The following BCKDHB variants were observed in gnomAD, a reference collection of about 807,000 sequenced individuals.
BCKDHB encodes the protein branched chain keto acid dehydrogenase E1 subunit beta.
BCKDHB carries 41 observed loss-of-function variants against 48.5 expected under a neutral mutation model. The observed-to-expected ratio is 0.85, with a 90% confidence interval of 0.66 to 1.10. The LOEUF (loss-of-function observed/expected upper bound fraction) is 1.10. Ranked by LOEUF, BCKDHB falls within the 50% of genes least tolerant of loss-of-function variation. The pLI, the probability that BCKDHB is intolerant of heterozygous loss-of-function variation, is 0.00. For missense variants in BCKDHB, 496 were observed against 494.2 expected (o/e 1.00, Z -0.03); for synonymous variants, 201 against 174.8 (o/e 1.15, Z -1.18).
intron 5 of BCKDHB, among the ~76,000 whole-genome samples, 183 bp downstream of exon 5, chr6:80,169,213 G>A (rs1350828836): frequency 6.6e-6 from 1 of 152,150 alleles, no homozygotes; most frequent in East Asian, 1.9e-4. Context: ...CCAATGCCCA[G>A]TTTTACAGCA....
intron 6 of BCKDHB, among the ~76,000 whole-genome samples, chr6:80,200,459 G>T (rs74614428): frequency 6.6e-6 from 1 of 151,966 alleles, no homozygotes; most frequent in Non-Finnish European, 1.5e-5. Context: ...ATTGATCTGA[G>T]AACTTAATTC....
At chr6:80,466,519 A>T in the BCKDHB span, among the ~76,000 whole-genome samples, 44 of 152,174 alleles carry the variant, frequency 2.9e-4, no homozygotes, top group Admixed American at 1.3e-3. Context: ...ACACACACAC[A>T]ATATATATAT....
the BCKDHB span, among the ~76,000 whole-genome samples, chr6:80,431,090 T>G: frequency 1.3e-5 from 2 of 152,208 alleles, no homozygotes; most frequent in African/African-American, 4.8e-5. Context: ...CAGTAGTCAT[T>G]CAGGAGCAGG....
At chr6:80,356,163 T>G in the BCKDHB span, 2 of 152,228 alleles carry the variant, frequency 1.3e-5, no homozygotes, top group Non-Finnish European at 2.9e-5. Flanking sequence ...ATGGGCTTCT[T>G]GAAGGGGCTG....
At chr6:80,400,379 G>A in the BCKDHB span, among the ~76,000 whole-genome samples, 26 of 151,652 alleles carry the variant, frequency 1.7e-4, no homozygotes, top group South Asian at 1.0e-3. Flanking sequence ...AAAAAACACC[G>A]AAAAAACCAC....
intron 8 of BCKDHB, among the ~76,000 whole-genome samples, chr6:80,230,061 CGGA>C (rs1234453516): frequency 1.3e-4 from 9 of 71,266 alleles, no homozygotes; most frequent in Non-Finnish European, 4.6e-5. Flanking sequence ...TTTTTTGAGA[CGGA>C]GTCTCACTCT....
chr6:80,213,197 A>T (rs1303882967), intron 8 of BCKDHB, among the ~76,000 whole-genome samples: 1 of 152,232 alleles, frequency 6.6e-6, no homozygotes, highest in Non-Finnish European at 1.5e-5. Flanking sequence ...ACAGTATTCT[A>T]TGAATAAATA....
At chr6:80,110,097 A>G (rs1769335638) in intron 1 of BCKDHB, among the ~76,000 whole-genome samples, 1 of 152,218 alleles carries the variant, frequency 6.6e-6, no homozygotes, top group African/African-American at 2.4e-5. Context: ...GGAGGTAGTC[A>G]GATTAGACTC....
chr6:80,373,108 A>G, the BCKDHB span, among the ~76,000 whole-genome samples: 556 of 152,042 alleles, frequency 3.7e-3, 6 homozygotes, highest in African/African-American at 0.013. Context: ...AACTCAAATT[A>G]CCATTTCAAT....
At chr6:80,406,638 G>C in the BCKDHB span, among the ~76,000 whole-genome samples, 1 of 152,120 alleles carries the variant, frequency 6.6e-6, no homozygotes, top group African/African-American at 2.4e-5. Context: ...GTGTCTGTTG[G>C]CTGCATAAAT....
At chr6:80,318,462 G>A (rs968439933) in intron 9 of BCKDHB, among the ~76,000 whole-genome samples, 4 of 152,052 alleles carry the variant, frequency 2.6e-5, no homozygotes, top group African/African-American at 9.7e-5. Context: ...CAAGGCAAGT[G>A]GATCACCTGA....
At chr6:80,123,882 C>T (rs1027832915) in intron 1 of BCKDHB, among the ~76,000 whole-genome samples, 10 of 151,980 alleles carry the variant, frequency 6.6e-5, no homozygotes, top group Non-Finnish European at 1.0e-4. Flanking sequence ...GTTTTTTTGT[C>T]TCTATCTCTT....
chr6:80,437,057 G>A, the BCKDHB span, among the ~76,000 whole-genome samples: 1 of 151,978 alleles, frequency 6.6e-6, no homozygotes, highest in Admixed American at 6.6e-5. Flanking sequence ...GAAGATTTAG[G>A]CATTATTTTA....
the BCKDHB span, among the ~76,000 whole-genome samples, chr6:80,398,925 G>A: frequency 6.6e-6 from 1 of 152,110 alleles, no homozygotes; most frequent in Admixed American, 6.6e-5. Context: ...TCCCTGGGAT[G>A]GATGCATGGT....
chr6:80,274,151 A>G (rs1777869035), intron 9 of BCKDHB, among the ~76,000 whole-genome samples: 1 of 152,006 alleles, frequency 6.6e-6, no homozygotes, highest in African/African-American at 2.4e-5. Context: ...TTTAATTAGT[A>G]AACAATGATT....
At chr6:80,174,080 C>T (rs1411600998) in intron 6 of BCKDHB, among the ~76,000 whole-genome samples, 1 of 152,068 alleles carries the variant, frequency 6.6e-6, no homozygotes, top group Non-Finnish European at 1.5e-5. Context: ...CTTGCAGTAT[C>T]CATAAGTAAA....
At chr6:80,360,413 A>G in the BCKDHB span, among the ~76,000 whole-genome samples, 13 of 152,334 alleles carry the variant, frequency 8.5e-5, no homozygotes, top group East Asian at 2.5e-3. Flanking sequence ...CACCGTGCAC[A>G]AGAGTAGCTC....
chr6:80,124,152 C>T (rs992679797), intron 1 of BCKDHB, among the ~76,000 whole-genome samples: 13 of 152,016 alleles, frequency 8.6e-5, no homozygotes, highest in Non-Finnish European at 1.6e-4. Flanking sequence ...CCTTATTTAC[C>T]CAGTAGTCAT....
Position 80,273,206 on chromosome 6 carries a change from C to G in BCKDHB, c.1023C>G (p.Ile341Met), listed in dbSNP as rs1427824629. 1.9e-6 allele frequency: 3 copies of G among 1,613,430 alleles called. No homozygotes were observed. Among genetic ancestry groups the G allele is most frequent in the South Asian group, 2.2e-5 (2 of 91,074 alleles). Residue 341 changes from isoleucine to methionine, a missense_variant, in exon 9 of 10, where the codon ATC becomes ATG. Transcript: ENST00000320393. ...APLTGGFASEISSTVQEECFL... is the reference protein window; with the variant it reads ...APLTGGFASEMSSTVQEECFL... ...TGACAGGCGGCTTTGCATCGGAAAT[C>G]AGCTCTACAGTTCAGGTAGAGTAAT...
Sources: gnomAD v4.1 joint callset for allele counts (sites outside exome capture counted in the v4.1 genomes callset) on GRCh38, gnomAD v4.1.1 for gene constraint, MANE v1.5 for transcripts, NCBI Gene and HGNC (gene_info 2026-07-23, HGNC 2026-07-21) for gene names.